Variants in CD5 observed in about 807,000 individuals in gnomAD.
CD5 encodes the protein T-cell surface glycoprotein CD5.
In CD5, 36 loss-of-function variants were observed where a neutral mutation model predicts 60.3. The ratio of observed to expected loss-of-function variants is 0.60; its 90% CI spans 0.46 to 0.79. The LOEUF (loss-of-function observed/expected upper bound fraction) is 0.79. Ranked by LOEUF, CD5 falls within the 30% of genes least tolerant of loss-of-function variation. CD5 has a pLI of 0.00. For missense variants in CD5, 540 were observed against 630.6 expected, an observed-to-expected ratio of 0.86 and a Z score of 1.54; for synonymous variants, 230 against 257.6, an observed-to-expected ratio of 0.89 and a Z score of 1.03.
the CD5 span, among the ~76,000 whole-genome samples, chr11:61,095,894 A>G: frequency 6.6e-6 from 1 of 152,374 alleles, no homozygotes; most frequent in Non-Finnish European, 1.5e-5. Flanking sequence ...ACATGGCCTT[A>G]CTTAGTCAAA....
At chr11:61,100,400 T>TG (rs929529065), upstream of CD5, among the ~76,000 whole-genome samples, 1 of 127,074 alleles carries the variant, frequency 7.9e-6, no homozygotes, top group African/African-American at 3.1e-5. Context: ...CACATCAACA[T>TG]GGAGATCACA....
chr11:61,101,398 ACG>A (rs201788417), upstream of CD5, among the ~76,000 whole-genome samples: 15 of 61,332 alleles, frequency 2.4e-4, no homozygotes, highest in East Asian at 6.8e-3. Flanking sequence ...TCACACACAC[ACG>A]TCAACATGGA....
chr11:61,120,933 A>G (rs939797569), intron 5 of CD5, among the ~76,000 whole-genome samples: 1 of 152,212 alleles, frequency 6.6e-6, no homozygotes, highest in African/African-American at 2.4e-5. Flanking sequence ...TTGAAGGTGG[A>G]TGTTGCTATG....
chr11:61,123,958 G>C, intron 8 of CD5, 21 bp downstream of exon 8: 3 of 1,596,876 alleles, frequency 1.9e-6, no homozygotes, highest in South Asian at 1.1e-5. Context: ...CCGGAGGCAG[G>C]AGCCTCCCTC....
intron 1 of CD5, among the ~76,000 whole-genome samples, chr11:61,103,215 G>A (rs946717218): frequency 6.6e-6 from 1 of 152,300 alleles, no homozygotes; most frequent in Non-Finnish European, 1.5e-5. Context: ...ATGAGTACAC[G>A]CTGGGCCTGC....
chr11:61,102,865 C>A (rs1860719642), intron 1 of CD5, among the ~76,000 whole-genome samples: 1 of 152,218 alleles, frequency 6.6e-6, no homozygotes, highest in African/African-American at 2.4e-5. Context: ...CTGCTTTACC[C>A]TTCCAGTGCA....
At chr11:61,122,840 C>G in intron 6 of CD5, 67 bp from the exon 7 acceptor site, 1 of 1,499,978 alleles carries the variant, frequency 6.7e-7, no homozygotes, top group African/African-American at 1.4e-5. Context: ...AGGCAGCCAG[C>G]AGCTTCCCTC....
chr11:61,120,933 A>T (rs939797569), intron 5 of CD5, among the ~76,000 whole-genome samples: 1 of 152,212 alleles, frequency 6.6e-6, no homozygotes, highest in Non-Finnish European at 1.5e-5. Flanking sequence ...TTGAAGGTGG[A>T]TGTTGCTATG....
chr11:61,097,389 C>T, the CD5 span, among the ~76,000 whole-genome samples: 12 of 152,166 alleles, frequency 7.9e-5, no homozygotes, highest in Middle Eastern at 3.2e-3. Context: ...CCCCGTAGGA[C>T]GACTTAGTTG....
In CD5 at chr11:61,121,663, A is replaced by G. The variant is rs758594332; in HGVS notation, c.858A>G (p.Glu286=). Reference sequence around the variant, plus strand: ...TGGTGGGGGGCAGCAGCATCTGTGAAGGCACCGTGGAGGTGCGCCAGGGGG... The same window carrying G: ...TGGTGGGGGGCAGCAGCATCTGTGAGGGCACCGTGGAGGTGCGCCAGGGGG... ...SRLVGGSSIC[E]GTVEVRQGAQ... is the part of the protein sequence containing the mutation. The change falls in exon 6 of 11, where the codon GAA becomes GAG. Residue 286 remains glutamate, a synonymous_variant. Coordinates refer to ENST00000347785, the MANE Select transcript of CD5 (RefSeq NM_014207.4). 6.4e-7 allele frequency: 1 copy of G among 1,567,672 alleles called. No individual in the cohort carries two copies. Among genetic ancestry groups the G allele is most frequent in the Non-Finnish European group, 8.7e-7 (1 of 1,151,702 alleles).
At chr11:61,116,569 ACAC>A (rs1283526880) in intron 2 of CD5, among the ~76,000 whole-genome samples, 1 of 77,798 alleles carries the variant, frequency 1.3e-5, no homozygotes, top group Non-Finnish European at 2.6e-5. Flanking sequence ...CACCACACAC[ACAC>A]CACACACACC....
upstream of CD5, among the ~76,000 whole-genome samples, chr11:61,101,035 A>G (rs566062445): frequency 0.013 from 1,505 of 117,066 alleles, 111 homozygotes; most frequent in South Asian, 0.042. Flanking sequence ...CACACACATC[A>G]ACATGGAGAT....
At position 61,118,342 on chromosome 11, in the gene CD5, G is replaced by A. The variant is rs1184927188; in HGVS notation, c.262G>A (p.Val88Met). Residue 88 changes from valine (V) to methionine (M), a missense_variant, in exon 3 of 11, where the codon GTG (valine) becomes ATG (methionine). Val to Met is a conservative substitution (Grantham distance 21). Coordinates refer to ENST00000347785, the MANE Select transcript of CD5 (RefSeq NM_014207.4). This position sits in a 1 kb window ranked among gnomAD's most constrained non-coding sequence, Gnocchi z 4.7. ...SKVCQRLNCG[V>M]PLSLGPFLVT... ...AGTCTGCCAGCGGCTGAACTGTGGG[G>A]TGCCCTTAAGCCTTGGCCCCTTCCT... 1 of 1,614,148 alleles carries A rather than the reference G, an allele frequency of 6.2e-7. No individual in the cohort carries two copies. The highest frequency in any genetic ancestry group is 1.7e-5 in the Admixed American group (1 of 60,014).
intron 9 of CD5, 84 bp downstream of exon 9, chr11:61,125,235 G>C (rs769501284): frequency 6.7e-6 from 10 of 1,488,382 alleles, no homozygotes; most frequent in Non-Finnish European, 9.3e-6. Flanking sequence ...CTTGAAGGTC[G>C]GGTGATGGCC....
the CD5 span, among the ~76,000 whole-genome samples, chr11:61,096,084 C>T: frequency 2.6e-5 from 4 of 152,180 alleles, no homozygotes; most frequent in Non-Finnish European, 4.4e-5. Flanking sequence ...CCAGGCTAGG[C>T]GAAACGCCGA....
chr11:61,114,338 A>G (rs1257166654), intron 1 of CD5, among the ~76,000 whole-genome samples: 1 of 152,126 alleles, frequency 6.6e-6, no homozygotes, highest in Non-Finnish European at 1.5e-5. Flanking sequence ...TGGCTCACAC[A>G]TGTGAATCCC....
intron 1 of CD5, among the ~76,000 whole-genome samples, chr11:61,112,824 T>C (rs1017059633): frequency 1.3e-5 from 2 of 152,180 alleles, no homozygotes; most frequent in Admixed American, 6.5e-5. Flanking sequence ...CACATGGCCA[T>C]GATGACTTCA....
rs749845115 is a variant in CD5, at chr11:61,119,479, T to C, written c.709T>C (p.Trp237Arg). The change falls in exon 5 of 11, where the codon TGG becomes CGG. Residue 237 changes from tryptophan (W) to arginine (R), a missense_variant. Physicochemically the swap from Trp to Arg is moderately radical, Grantham distance 101. Coordinates refer to ENST00000347785, the MANE Select transcript of CD5 (RefSeq NM_014207.4). ...GGAACACCAGCCCTTGCCAATCCAA[T>C]GGAAGATCCAGAACTCAAGCTGTAC... ...PREHQPLPIQ[W>R]KIQNSSCTSL... The C allele has an allele frequency of 1.9e-6, 3 of 1,614,168 alleles. No homozygotes were observed. Among genetic ancestry groups the C allele is most frequent in the Non-Finnish European group, 1.7e-6 (2 of 1,180,028 alleles).
At chr11:61,100,385 ACACACACATCAACATGGAGATCACATT>A (rs1590762973), upstream of CD5, among the ~76,000 whole-genome samples, 3 of 147,588 alleles carry the variant, frequency 2.0e-5, no homozygotes, top group East Asian at 4.2e-4. Flanking sequence ...TGGAGATCAC[ACACACACATCAACATGGAGATCACATT>A]CACACACATC....
Sources: gnomAD v4.1 joint callset for allele counts (sites outside exome capture counted in the v4.1 genomes callset) on GRCh38, gnomAD v4.1.1 for gene constraint, Gnocchi (gnomAD v3.1) non-coding constraint, MANE v1.5 for transcripts, NCBI Gene and HGNC (gene_info 2026-07-23, HGNC 2026-07-21) for gene names.